Variants in DSTYK observed in about 807,000 individuals in gnomAD.
DSTYK encodes the protein RIP-homologous kinase.
In DSTYK, 34 loss-of-function variants were observed where a neutral mutation model predicts 98.7. The observed-to-expected ratio is 0.34, with a 90% CI of 0.26 to 0.46. The LOEUF (loss-of-function observed/expected upper bound fraction) is 0.46, where lower values mean the gene tolerates loss of function less well. DSTYK is among the 20% of genes least tolerant of loss of function. The probability of loss-of-function intolerance (pLI) is 1.00; values close to 1 mark genes in which losing one functional copy is unlikely to be tolerated. For missense variants in DSTYK, 962 were observed against 1,181.7 expected (o/e 0.81, Z 2.73); for synonymous variants, 462 against 457.3 (o/e 1.01, Z -0.13).
At chr1:205,158,114 C>G (rs534259545) in intron 9 of DSTYK, among the ~76,000 whole-genome samples, 2 of 152,268 alleles carry the variant, frequency 1.3e-5, no homozygotes, top group East Asian at 3.9e-4. Flanking sequence ...TCAGGGTCTC[C>G]TGAATACTGG....
intron 3 of DSTYK, among the ~76,000 whole-genome samples, chr1:205,166,412 G>A (rs997438193): frequency 2.0e-5 from 3 of 151,822 alleles, no homozygotes; most frequent in Admixed American, 6.6e-5. Flanking sequence ...AGCACTTTGT[G>A]GGGGCTGAAG....
At chr1:205,184,444 C>T (rs569510928) in intron 2 of DSTYK, among the ~76,000 whole-genome samples, 2 of 151,818 alleles carry the variant, frequency 1.3e-5, no homozygotes, top group East Asian at 1.9e-4. Flanking sequence ...TGGTGGCAGG[C>T]GCCTATAATC....
chr1:205,154,616 T>C (rs984023532), intron 10 of DSTYK, among the ~76,000 whole-genome samples: 5 of 152,116 alleles, frequency 3.3e-5, no homozygotes, highest in African/African-American at 1.2e-4. Flanking sequence ...ACACAGTAAA[T>C]TGTACCAAGA....
chr1:205,196,082 G>T (rs1442154921), intron 1 of DSTYK, among the ~76,000 whole-genome samples: 4 of 152,222 alleles, frequency 2.6e-5, no homozygotes, highest in Non-Finnish European at 5.9e-5. Context: ...GAACCAGCTT[G>T]AAGGGAAACT....
chr1:205,193,421 G>A (rs1031168498), intron 1 of DSTYK, among the ~76,000 whole-genome samples: 7 of 152,160 alleles, frequency 4.6e-5, no homozygotes, highest in Admixed American at 4.6e-4. Context: ...AAAGTATGGT[G>A]CTTTGGCATG....
At chr1:205,183,116 T>C (rs752277132) in intron 2 of DSTYK, among the ~76,000 whole-genome samples, 9 of 147,986 alleles carry the variant, frequency 6.1e-5, no homozygotes, top group Non-Finnish European at 1.0e-4. Flanking sequence ...ATATATCAGA[T>C]TGAGCAACTC....
chr1:205,150,706 A>G lies in DSTYK; in HGVS notation c.2441T>C (p.Ile814Thr), dbSNP rs1255370566. ...TGTGAAAAGTTCAGGGGCCATATGG[A>G]TTGGTGTCCCCACAATGCTGCCTGA... ...MMSGSIVGTPIHMAPELFTGK... is the reference protein window; with the variant it reads ...MMSGSIVGTPTHMAPELFTGK... Residue 814 changes from isoleucine to threonine, a missense_variant, in exon 11 of 13, where the codon ATC (isoleucine) becomes ACC (threonine). By Grantham distance (89) the Ile-to-Thr change is moderately conservative (BLOSUM62 -1). Coordinates refer to ENST00000367162, the MANE Select transcript of DSTYK (RefSeq NM_015375.3). The surrounding 1 kb of genome is among the most constrained non-coding windows in gnomAD (Gnocchi z 4.1). 2 of 1,613,816 alleles carry G rather than the reference A, an allele frequency of 1.2e-6. No homozygotes were observed. The highest frequency in any genetic ancestry group is 1.7e-6 in the Non-Finnish European group (2 of 1,179,974).
Position 205,145,528 on chromosome 1 carries a change from T to TG in DSTYK, c.*2029_*2030insC, listed in dbSNP as rs1553358822. ...GTGCGACTCATCTTTGTTTTTTGTT[T>TG]TTTTTTTTGTTTTTTTTTGAGATAG... On this transcript the variant is annotated 3_prime_UTR_variant, in exon 13 of 13. Transcript: ENST00000367162. 7.5e-5 allele frequency: 10 copies of TG among 133,684 alleles called. No individual in the cohort carries two copies. The highest frequency in any genetic ancestry group is 1.2e-4 in the Non-Finnish European group (7 of 59,786). 8.3% of individuals were successfully genotyped at this position (133,684 alleles called of 1,614,324 possible).
intron 2 of DSTYK, among the ~76,000 whole-genome samples, chr1:205,181,677 TG>T (rs1658407953): frequency 6.6e-6 from 1 of 151,414 alleles, no homozygotes; most frequent in Non-Finnish European, 1.5e-5. Context: ...TGTGTGTGTG[TG>T]TGTGTGTGTG....
At position 205,169,878 on chromosome 1, in the gene DSTYK, C is replaced by T; in HGVS notation, c.655-46G>A. 1 of 1,529,998 alleles carries T rather than the reference C, an allele frequency of 6.5e-7. No individual in the cohort carries two copies. Among genetic ancestry groups the T allele is most frequent in the Non-Finnish European group, 8.8e-7 (1 of 1,140,644 alleles). 94.8% of individuals were successfully genotyped at this position (1,529,998 alleles called of 1,614,324 possible). On this transcript the variant is annotated intron_variant, in intron 2 of 12. Coordinates refer to ENST00000367162, the MANE Select transcript of DSTYK (RefSeq NM_015375.3). The surrounding 1 kb of genome is among the most constrained non-coding windows in gnomAD (Gnocchi z 4.0). The stretch of plus-strand genomic sequence containing the variant: ...TATATCAGCGCCTCAGGGTCAGAAC[C>T]AATCCCTGTCTCCCCAAAGTCCCAC...
At chr1:205,153,185 C>T (rs1384560630) in intron 10 of DSTYK, among the ~76,000 whole-genome samples, 1 of 152,128 alleles carries the variant, frequency 6.6e-6, no homozygotes, top group African/African-American at 2.4e-5. Flanking sequence ...GAGATCGTTC[C>T]CTTCCCCTAA....
At chr1:205,191,789 G>A (rs1290918304) in intron 1 of DSTYK, among the ~76,000 whole-genome samples, 3 of 152,200 alleles carry the variant, frequency 2.0e-5, no homozygotes, top group Non-Finnish European at 4.4e-5. Flanking sequence ...GAGGGAGGAA[G>A]AAAACCTGTT....
At chr1:205,177,811 G>T (rs987664284) in intron 2 of DSTYK, among the ~76,000 whole-genome samples, 1 of 151,610 alleles carries the variant, frequency 6.6e-6, no homozygotes, top group Non-Finnish European at 1.5e-5. Context: ...AGGTTGCAGT[G>T]AGCCAAGATC....
At chr1:205,177,917 C>G (rs1007879296) in intron 2 of DSTYK, among the ~76,000 whole-genome samples, 3 of 151,836 alleles carry the variant, frequency 2.0e-5, no homozygotes, top group African/African-American at 7.3e-5. Context: ...GGTACATATA[C>G]TTTCCAAGGG....
intron 1 of DSTYK, among the ~76,000 whole-genome samples, chr1:205,189,020 C>G (rs1442711507): frequency 1.3e-5 from 2 of 152,176 alleles, no homozygotes; most frequent in African/African-American, 4.8e-5. Flanking sequence ...ACCATTACCA[C>G]ATTGTTACCC....
intron 1 of DSTYK, among the ~76,000 whole-genome samples, chr1:205,204,538 A>G (rs2102482567): frequency 6.6e-6 from 1 of 152,248 alleles, no homozygotes; most frequent in East Asian, 1.9e-4. Context: ...GCTTTAAGGT[A>G]TATTATCTCC....
intron 1 of DSTYK, among the ~76,000 whole-genome samples, chr1:205,195,690 T>C (rs1343359443): frequency 1.3e-5 from 2 of 152,208 alleles, no homozygotes; most frequent in African/African-American, 4.8e-5. Context: ...CTCTCTAAAG[T>C]TATTCTATGT....
At chr1:205,207,035 C>T (rs907609680) in intron 1 of DSTYK, among the ~76,000 whole-genome samples, 2 of 151,380 alleles carry the variant, frequency 1.3e-5, no homozygotes, top group Admixed American at 1.3e-4. Context: ...GAAGGCACCA[C>T]AGACCACAGA....
intron 12 of DSTYK, 60 bp from the exon 13 acceptor site, chr1:205,147,805 C>A: frequency 1.3e-6 from 2 of 1,559,860 alleles, no homozygotes; most frequent in East Asian, 2.3e-5. Flanking sequence ...AACAAAGAGG[C>A]ATGACCAGCT....
Sources: gnomAD v4.1 joint callset for allele counts (sites outside exome capture counted in the v4.1 genomes callset) on GRCh38, gnomAD v4.1.1 for gene constraint, Gnocchi (gnomAD v3.1) non-coding constraint, MANE v1.5 for transcripts, NCBI Gene and HGNC (gene_info 2026-07-23, HGNC 2026-07-21) for gene names.